Variants in NCKAP1 observed in about 807,000 individuals in gnomAD.
The protein encoded by NCKAP1 is nck-associated protein 1.
NCKAP1 carries 21 observed loss-of-function variants against 151.2 expected under a neutral mutation model. The ratio of observed to expected loss-of-function variants is 0.14; its 90% CI spans 0.10 to 0.20. The LOEUF (loss-of-function observed/expected upper bound fraction) is 0.20. Among genes scored for constraint, NCKAP1 ranks in the 10% least tolerant of loss-of-function variants. NCKAP1 has a pLI of 1.00. For synonymous variants in NCKAP1, 484 were observed against 451.8 expected, an observed-to-expected ratio of 1.07 and a Z score of -0.90; for missense variants, 933 against 1,352.1, an observed-to-expected ratio of 0.69 and a Z score of 4.86.
chr2:182,935,431 T>C (rs563074649), intron 24 of NCKAP1, 56 bp from the exon 25 acceptor site: 234 of 1,082,128 alleles, frequency 2.2e-4, no homozygotes, highest in Admixed American at 9.9e-4. Context: ...CTGGATTCTT[T>C]CTTAAACTTG....
intron 1 of NCKAP1, among the ~76,000 whole-genome samples, chr2:183,030,271 T>C (rs961623274): frequency 6.6e-6 from 1 of 152,186 alleles, no homozygotes; most frequent in African/African-American, 2.4e-5. Flanking sequence ...GAGATCCTTC[T>C]GCCTCAGCCT....
chr2:183,017,630 C>T (rs1403281616), intron 2 of NCKAP1, among the ~76,000 whole-genome samples: 11 of 152,116 alleles, frequency 7.2e-5, no homozygotes, highest in African/African-American at 2.2e-4. Context: ...TAACAGGCCA[C>T]GGACTGGTAC....
rs915983234 is a variant in NCKAP1, at chr2:182,994,727, A to C, written c.790+112T>G. ...ATGAGGACTGAAAGAGGTAATGGAC[A>C]TAGATGGGTTAGCACAATGCTAAGC... On this transcript the variant is annotated intron_variant, in intron 8 of 30. Coordinates refer to ENST00000361354, the MANE Select transcript of NCKAP1 (RefSeq NM_013436.5). 19 of 800,862 alleles carry C rather than the reference A, an allele frequency of 2.4e-5. No individual in the cohort carries two copies. In the East Asian group the frequency reaches 4.9e-4, roughly 21 times the overall value. 49.6% of individuals were successfully genotyped at this position (800,862 alleles called of 1,614,324 possible).
chr2:182,981,241 T>C lies in NCKAP1; in HGVS notation c.1341+3A>G. On this transcript the variant is annotated splice_donor_region_variant and intron_variant, in intron 13 of 30. Coordinates refer to ENST00000361354, the MANE Select transcript of NCKAP1 (RefSeq NM_013436.5). Reference sequence around the variant, plus strand: ...AAGGGAAATAGTATGAGATAGTTTTTACCTGCACGAGTTCATTGAGGACAA... The same window carrying C: ...AAGGGAAATAGTATGAGATAGTTTTCACCTGCACGAGTTCATTGAGGACAA... 1 of 1,612,732 alleles carries C rather than the reference T, an allele frequency of 6.2e-7. No homozygotes were observed. The highest frequency in any genetic ancestry group is 1.3e-5 in the African/African-American group (1 of 75,018).
chr2:183,011,111 T>C (rs1335050267), intron 2 of NCKAP1, among the ~76,000 whole-genome samples: 1 of 152,222 alleles, frequency 6.6e-6, no homozygotes, highest in East Asian at 1.9e-4. Context: ...CTCTATCAAT[T>C]ATCATTTGCT....
At chr2:183,000,812 G>C (rs1698360960) in intron 6 of NCKAP1, among the ~76,000 whole-genome samples, 1 of 152,154 alleles carries the variant, frequency 6.6e-6, no homozygotes, top group African/African-American at 2.4e-5. Flanking sequence ...AAGCACAGTG[G>C]CCAGGCACAG....
intron 15 of NCKAP1, among the ~76,000 whole-genome samples, chr2:182,969,533 T>C (rs1697643726): frequency 6.7e-6 from 1 of 148,780 alleles, no homozygotes; most frequent in Non-Finnish European, 1.5e-5. Flanking sequence ...AACTAACATA[T>C]GGAAATTAAA....
chr2:183,018,661 CT>C (rs1698740586), intron 2 of NCKAP1, among the ~76,000 whole-genome samples: 1 of 152,104 alleles, frequency 6.6e-6, no homozygotes, highest in Non-Finnish European at 1.5e-5. Context: ...AAAGTACAAT[CT>C]TTTTTTAGCT....
intron 23 of NCKAP1, among the ~76,000 whole-genome samples, chr2:182,944,967 G>A (rs1441477124): frequency 6.6e-6 from 1 of 151,946 alleles, no homozygotes; most frequent in African/African-American, 2.4e-5. Context: ...GGGCGTGGTG[G>A]CTCACACCTG....
At chr2:183,032,748 T>C (rs1412132777) in intron 1 of NCKAP1, among the ~76,000 whole-genome samples, 2 of 152,140 alleles carry the variant, frequency 1.3e-5, no homozygotes, top group African/African-American at 4.8e-5. Context: ...TATCTTTAAT[T>C]GAAAATATCA....
At chr2:182,945,125 C>T (rs1305463741) in intron 23 of NCKAP1, among the ~76,000 whole-genome samples, 2 of 152,078 alleles carry the variant, frequency 1.3e-5, no homozygotes, top group Non-Finnish European at 2.9e-5. Context: ...ATCCCAGCTA[C>T]TCGGGAGGCT....
At chr2:182,966,446 C>T (rs1395889242) in intron 16 of NCKAP1, among the ~76,000 whole-genome samples, 1 of 152,120 alleles carries the variant, frequency 6.6e-6, no homozygotes, top group East Asian at 1.9e-4. Context: ...ACCACCACGT[C>T]CGACTAATTT....
intron 23 of NCKAP1, among the ~76,000 whole-genome samples, chr2:182,948,954 T>C (rs1422366664): frequency 6.6e-6 from 1 of 152,074 alleles, no homozygotes; most frequent in Non-Finnish European, 1.5e-5. Flanking sequence ...AAAACAGAGT[T>C]TGTACAGAGG....
intron 26 of NCKAP1, chr2:182,934,472 T>A (rs1420389111): frequency 5.4e-6 from 1 of 184,114 alleles, no homozygotes; most frequent in African/African-American, 2.3e-5. Flanking sequence ...ATTTTCTTTA[T>A]CACCATGTAT....
chr2:182,948,123 T>C (rs1191010094), intron 23 of NCKAP1, among the ~76,000 whole-genome samples: 3 of 152,034 alleles, frequency 2.0e-5, no homozygotes, highest in Admixed American at 1.3e-4. Context: ...AAAATATAAA[T>C]ATTTCATAGG....
intron 2 of NCKAP1, among the ~76,000 whole-genome samples, chr2:183,010,009 G>C (rs1698562292): frequency 2.0e-5 from 3 of 152,090 alleles, no homozygotes; most frequent in Admixed American, 2.0e-4. Flanking sequence ...TATAATTAAG[G>C]TTATGTTTCT....
intron 10 of NCKAP1, among the ~76,000 whole-genome samples, chr2:182,985,412 AGTTG>A (rs1698033532): frequency 6.6e-6 from 1 of 152,204 alleles, no homozygotes. Context: ...AAAACTGGAA[AGTTG>A]TTCAAAGATT....
At chr2:182,954,420 T>C (rs984166991) in intron 20 of NCKAP1, among the ~76,000 whole-genome samples, 1 of 152,208 alleles carries the variant, frequency 6.6e-6, no homozygotes, top group African/African-American at 2.4e-5. Flanking sequence ...CTTAGACTTG[T>C]ATTTGTAAGG....
chr2:182,967,278 A>G lies in NCKAP1; in HGVS notation c.1566T>C (p.His522=). The change falls in exon 16 of 31, where the codon CAT becomes CAC. Residue 522 remains histidine (H), a synonymous_variant. Coordinates refer to ENST00000361354, the MANE Select transcript of NCKAP1 (RefSeq NM_013436.5). The part of the protein sequence containing the change: ...LGKMMNTIIF[H]TKMVDSLVEM... The stretch of plus-strand genomic sequence containing the variant: ...CCACCAAGGAATCTACCATTTTTGT[A>G]TGAAAAATTATTGTATTCATCATCT... The G allele has an allele frequency of 1.2e-6, 2 of 1,611,826 alleles. No homozygotes were observed. Among genetic ancestry groups the G allele is most frequent in the African/African-American group, 1.3e-5 (1 of 74,944 alleles).
Sources: allele counts gnomAD v4.1 joint callset (sites outside exome capture counted in the v4.1 genomes callset), GRCh38; gene constraint gnomAD v4.1.1; transcripts MANE v1.5; gene names NCBI Gene and HGNC (gene_info 2026-07-23, HGNC 2026-07-21).